The following PARN variants were observed in gnomAD, a reference collection of about 807,000 sequenced individuals.
PARN encodes poly(A)-specific ribonuclease PARN.
In PARN, 71 loss-of-function variants were observed where a neutral mutation model predicts 102.8. That is an observed-to-expected ratio of 0.69 (90% CI 0.57 to 0.84). The LOEUF (loss-of-function observed/expected upper bound fraction) is 0.84. PARN is among the 40% of genes least tolerant of loss of function. The probability of loss-of-function intolerance (pLI) is 0.00; values close to 1 mark genes in which losing one functional copy is unlikely to be tolerated. For missense variants in PARN, 782 were observed against 760.9 expected (o/e 1.03, Z -0.33); for synonymous variants, 261 against 252.9 (o/e 1.03, Z -0.30).
chr16:14,534,221 G>GAAAAAA (rs1214382920), intron 21 of PARN, among the ~76,000 whole-genome samples: 1 of 59,380 alleles, frequency 1.7e-5, no homozygotes, highest in Non-Finnish European at 3.3e-5. Flanking sequence ...CCCTGTCTCA[G>GAAAAAA]AAAAAAAAAA....
intron 18 of PARN, among the ~76,000 whole-genome samples, chr16:14,567,113 CT>C (rs1221951882): frequency 1.3e-5 from 2 of 152,134 alleles, no homozygotes; most frequent in Non-Finnish European, 2.9e-5. Flanking sequence ...CATGGAGATT[CT>C]TTTTATCATG....
chr16:14,568,023 G>C (rs1369968667), intron 18 of PARN, among the ~76,000 whole-genome samples: 1 of 152,042 alleles, frequency 6.6e-6, no homozygotes. Context: ...TATCAACACA[G>C]AGAGACTGTC....
chr16:14,578,999 T>G (rs1969336965), intron 18 of PARN, among the ~76,000 whole-genome samples: 1 of 152,158 alleles, frequency 6.6e-6, no homozygotes. Context: ...TTTTCTTTTT[T>G]TTTTTGAGAG....
intron 22 of PARN, among the ~76,000 whole-genome samples, chr16:14,467,197 G>C (rs1467549813): frequency 6.6e-6 from 1 of 152,166 alleles, no homozygotes; most frequent in Non-Finnish European, 1.5e-5. Flanking sequence ...CCAAATGAAG[G>C]CATCATTAGC....
chr16:14,445,624 C>T (rs778436674), intron 23 of PARN, among the ~76,000 whole-genome samples: 1 of 152,190 alleles, frequency 6.6e-6, no homozygotes, highest in African/African-American at 2.4e-5. Flanking sequence ...TGCAGTGGCG[C>T]AATCTTGGCT....
intron 21 of PARN, among the ~76,000 whole-genome samples, chr16:14,530,524 C>A (rs1966266229): frequency 1.3e-5 from 2 of 148,456 alleles, no homozygotes; most frequent in Admixed American, 1.3e-4. Context: ...ACGTACAGAA[C>A]CCTGAAAAAA....
At position 14,620,772 on chromosome 16, in the gene PARN, T is replaced by A. The variant is rs1972246467; in HGVS notation, c.328-3122A>T. 2.6e-5 allele frequency among the ~76,000 whole-genome samples: 4 copies of A among 152,316 alleles called. No individual in the cohort carries two copies. The South Asian group carries it at 8.3e-4, about 32-fold the overall frequency. ...GCTATACTAATCCTGAGTTCTGGAT[T>A]GTCCTAATCCTATGGACCACGGAAT... is the stretch of plus-strand genomic sequence containing the variant. On this transcript the variant is annotated intron_variant, in intron 5 of 23. Transcript: ENST00000437198.
At chr16:14,533,036 T>G (rs1344979712) in intron 21 of PARN, among the ~76,000 whole-genome samples, 2 of 151,938 alleles carry the variant, frequency 1.3e-5, no homozygotes, top group African/African-American at 4.8e-5. Context: ...TCTCAGCACT[T>G]TGGGAGGCCA....
At chr16:14,519,328 C>A (rs565332281) in intron 21 of PARN, among the ~76,000 whole-genome samples, 47 of 24,086 alleles carry the variant, frequency 2.0e-3, no homozygotes, top group Non-Finnish European at 3.2e-3. Flanking sequence ...GGGGAGGGGA[C>A]GTGAGTGGAG....
At position 14,627,114 on chromosome 16, in the gene PARN, C is replaced by T. The variant is rs1338274189; in HGVS notation, c.319G>A (p.Val107Ile). The change falls in exon 5 of 24, where the codon GTT (valine) becomes ATT (isoleucine). Residue 107 changes from valine (V) to isoleucine (I), a missense_variant. Val to Ile is a conservative substitution (Grantham distance 29). Transcript: ENST00000437198. ...FNRSSPDVKF[V>I]CQSSSIDFLA... ...TCAATTATGCTACTTACCTGACAAACAAATTTGACATCTGGTGAGGATCTA... is the reference window on the plus strand; with the variant it reads ...TCAATTATGCTACTTACCTGACAAATAAATTTGACATCTGGTGAGGATCTA... The T allele has an allele frequency of 1.3e-6, 2 of 1,589,096 alleles. No individual in the cohort carries two copies. The highest frequency in any genetic ancestry group is 1.1e-5 in the South Asian group (1 of 89,488).
intron 18 of PARN, among the ~76,000 whole-genome samples, chr16:14,569,739 A>T (rs1413310327): frequency 6.6e-6 from 1 of 152,222 alleles, no homozygotes; most frequent in East Asian, 1.9e-4. Context: ...ATACATTCAT[A>T]GACAGATTAG....
intron 14 of PARN, among the ~76,000 whole-genome samples, chr16:14,585,503 T>C (rs1596755096): frequency 6.6e-6 from 1 of 151,730 alleles, no homozygotes; most frequent in South Asian, 2.1e-4. Context: ...ACTTGTTCGG[T>C]AGGCTCCACA....
chr16:14,485,736 G>C lies in PARN; in HGVS notation c.1481-2909C>G, dbSNP rs545139528. 3.3e-5 allele frequency among the ~76,000 whole-genome samples: 5 copies of C among 152,120 alleles called. No homozygotes were observed. The East Asian group carries it at 9.7e-4, about 29-fold the overall frequency. The stretch of plus-strand genomic sequence containing the variant: ...ACAGTCTTGCTCTGCCGCCTACGCT[G>C]GAGTATAGTGGCGCCATCTAGGCTC... On this transcript the variant is annotated intron_variant, in intron 21 of 23. Transcript: ENST00000437198.
At chr16:14,544,054 TG>T (rs1251543934) in intron 21 of PARN, among the ~76,000 whole-genome samples, 1 of 152,056 alleles carries the variant, frequency 6.6e-6, no homozygotes, top group African/African-American at 2.4e-5. Flanking sequence ...TAGCCAGGCA[TG>T]GGGGTGCATG....
intron 21 of PARN, among the ~76,000 whole-genome samples, chr16:14,531,202 AG>A (rs1966308013): frequency 6.6e-6 from 1 of 152,164 alleles, no homozygotes; most frequent in East Asian, 1.9e-4. Flanking sequence ...AAAATTAGCC[AG>A]GCGTTGTGGT....
chr16:14,563,860 G>C (rs1306851029), intron 18 of PARN, among the ~76,000 whole-genome samples: 1 of 152,046 alleles, frequency 6.6e-6, no homozygotes, highest in Non-Finnish European at 1.5e-5. Context: ...GAGGAATTAT[G>C]AGTGGGATTT....
chr16:14,593,263 T>C lies in PARN; in HGVS notation c.918+38A>G, dbSNP rs773574135. 3.7e-6 allele frequency: 4 copies of C among 1,067,658 alleles called. No homozygotes were observed. In the African/African-American group the frequency reaches 4.7e-5, roughly 13 times the overall value. The allele number at this position is 1,067,658 out of a possible 1,614,324, so 66.1% of individuals were successfully genotyped here. On this transcript the variant is annotated intron_variant, in intron 13 of 23. Transcript: ENST00000437198. ...ATAATATTTTTTCAGATAAAAAGAA[T>C]CCTGCTAATATTAAACACAGACCAA...
chr16:14,451,867 TACAAAAAAAAAAAAAAAAAAAAA>T (rs1961467116), intron 22 of PARN, among the ~76,000 whole-genome samples: 3 of 23,744 alleles, frequency 1.3e-4, no homozygotes, highest in African/African-American at 3.8e-4. Context: ...AAAAAAAAAA[TACAAAAAAAAAAAAAAAAAAAAA>T]AATACAAAAA....
intron 22 of PARN, among the ~76,000 whole-genome samples, chr16:14,468,210 T>C (rs1962484403): frequency 6.6e-6 from 1 of 152,208 alleles, no homozygotes; most frequent in Admixed American, 6.5e-5. Flanking sequence ...AATTTATTGA[T>C]TGGTTTTGTG....
Sources: allele counts gnomAD v4.1 joint callset (sites outside exome capture counted in the v4.1 genomes callset), GRCh38; gene constraint gnomAD v4.1.1; transcripts MANE v1.5; gene names NCBI Gene and HGNC (gene_info 2026-07-23, HGNC 2026-07-21).